The following ROBO2 variants were observed in gnomAD, a reference collection of about 807,000 sequenced individuals.
ROBO2 encodes roundabout homolog 2.
A neutral mutation model predicts 160.8 loss-of-function variants in ROBO2; 53 were observed. The ratio of observed to expected loss-of-function variants is 0.33; its 90% CI spans 0.26 to 0.41. The LOEUF is 0.41. Ranked by LOEUF, ROBO2 falls within the 10% of genes least tolerant of loss-of-function variation. The pLI, the probability that ROBO2 is intolerant of heterozygous loss-of-function variation, is 1.00. For synonymous variants in ROBO2, 664 were observed against 611.7 expected, an observed-to-expected ratio of 1.09 and a Z score of -1.26; for missense variants, 1,577 against 1,722.4, an observed-to-expected ratio of 0.92 and a Z score of 1.49.
chr3:77,478,688 G>A (rs1279476628), intron 3 of ROBO2, among the ~76,000 whole-genome samples: 1 of 152,096 alleles, frequency 6.6e-6, no homozygotes, highest in Non-Finnish European at 1.5e-5. Context: ...TCATTTGACT[G>A]AATAAATGTG....
At chr3:76,733,541 A>G (rs1399827392) in intron 2 of ROBO2, among the ~76,000 whole-genome samples, 2 of 152,260 alleles carry the variant, frequency 1.3e-5, no homozygotes, top group East Asian at 1.9e-4. Flanking sequence ...AGCAGTTTAC[A>G]TAAACTAAAT....
At chr3:76,128,594 G>A (rs1004123424) in intron 2 of ROBO2, among the ~76,000 whole-genome samples, 6 of 148,712 alleles carry the variant, frequency 4.0e-5, no homozygotes, top group African/African-American at 1.2e-4. Flanking sequence ...TTCCCTGAAG[G>A]ATAGGTTATC....
intron 2 of ROBO2, among the ~76,000 whole-genome samples, chr3:76,070,402 G>A (rs962554434): frequency 9.2e-5 from 14 of 152,164 alleles, no homozygotes; most frequent in East Asian, 3.9e-4. Flanking sequence ...CTCCCATAGC[G>A]CTCCCAGGCT....
chr3:76,888,325 G>A (rs527317226), intron 2 of ROBO2, among the ~76,000 whole-genome samples: 2 of 152,218 alleles, frequency 1.3e-5, no homozygotes, highest in Non-Finnish European at 2.9e-5. Context: ...CCGAAATCAC[G>A]GCCCTGCACT....
chr3:76,089,336 G>A (rs1238855772), intron 2 of ROBO2, among the ~76,000 whole-genome samples: 2 of 151,954 alleles, frequency 1.3e-5, no homozygotes, highest in South Asian at 4.1e-4. Flanking sequence ...CTCATTGTTT[G>A]AGGCCAGCTT....
chr3:77,400,629 G>A (rs1374396427), intron 2 of ROBO2, among the ~76,000 whole-genome samples: 1 of 152,056 alleles, frequency 6.6e-6, no homozygotes, highest in Non-Finnish European at 1.5e-5. Flanking sequence ...TTTCTTCTGA[G>A]TCACACTTCT....
intron 2 of ROBO2, among the ~76,000 whole-genome samples, chr3:76,612,403 G>A (rs1218301669): frequency 1.3e-5 from 2 of 152,104 alleles, no homozygotes; most frequent in Non-Finnish European, 2.9e-5. Context: ...CTCTTTAGCT[G>A]TATAATATTA....
intron 23 of ROBO2, among the ~76,000 whole-genome samples, chr3:77,623,914 G>T (rs146578409): frequency 6.6e-6 from 1 of 152,074 alleles, no homozygotes; most frequent in African/African-American, 2.4e-5. Context: ...TGATAAATAC[G>T]TCTATAAATC....
At chr3:76,405,502 C>A (rs574080050) in intron 2 of ROBO2, among the ~76,000 whole-genome samples, 1 of 151,714 alleles carries the variant, frequency 6.6e-6, no homozygotes, top group Non-Finnish European at 1.5e-5. Flanking sequence ...CACAAATTTA[C>A]GCAGTCAAGT....
chr3:77,261,844 T>C (rs912047174), intron 2 of ROBO2, among the ~76,000 whole-genome samples: 2 of 151,026 alleles, frequency 1.3e-5, no homozygotes, highest in Admixed American at 6.6e-5. Flanking sequence ...CATACCTCAC[T>C]GCAGCCTCAA....
intron 2 of ROBO2, among the ~76,000 whole-genome samples, chr3:76,321,102 A>G (rs1170959607): frequency 6.6e-6 from 1 of 152,208 alleles, no homozygotes; most frequent in East Asian, 1.9e-4. Context: ...TTAGAAAAAT[A>G]TATTGTACAA....
intron 2 of ROBO2, among the ~76,000 whole-genome samples, chr3:76,142,114 A>C (rs541112877): frequency 6.6e-6 from 1 of 152,076 alleles, no homozygotes; most frequent in South Asian, 2.1e-4. Context: ...AAAATAAGTT[A>C]TAGAATGTCC....
chr3:77,034,795 G>T (rs957951039), intron 2 of ROBO2, among the ~76,000 whole-genome samples: 63 of 151,958 alleles, frequency 4.1e-4, no homozygotes, highest in Non-Finnish European at 5.9e-4. Context: ...TAGGATTACA[G>T]CTATGTATTG....
At position 77,203,556 on chromosome 3, in the gene ROBO2, A is replaced by G. The variant is rs566671046; in HGVS notation, c.388+105216A>G. On this transcript the variant is annotated intron_variant, in intron 2 of 25. Coordinates refer to ENST00000461745, the Ensembl canonical transcript of ROBO2. ...AATGTCAGTTTTACAGTGTTTGAAT[A>G]TAGTTTCTCTGTAAAAGTTACTGAA... Among the ~76,000 whole-genome samples the G allele has an allele frequency of 4.6e-5, 7 of 152,350 alleles. No individual in the cohort carries two copies. The South Asian group carries it at 1.2e-3, about 27-fold the overall frequency.
At chr3:76,566,903 G>T (rs2084562529) in intron 2 of ROBO2, among the ~76,000 whole-genome samples, 1 of 152,108 alleles carries the variant, frequency 6.6e-6, no homozygotes, top group Admixed American at 6.6e-5. Flanking sequence ...TTTCACTGTG[G>T]CACACAGAGA....
At chr3:76,479,863 A>G (rs1224461795) in intron 2 of ROBO2, among the ~76,000 whole-genome samples, 1 of 152,140 alleles carries the variant, frequency 6.6e-6, no homozygotes, top group East Asian at 1.9e-4. Flanking sequence ...GTTTTAGAAG[A>G]GTTTGCATTA....
chr3:76,096,158 T>C (rs972676675), intron 2 of ROBO2, among the ~76,000 whole-genome samples: 4 of 152,292 alleles, frequency 2.6e-5, no homozygotes, highest in African/African-American at 9.6e-5. Context: ...AATCCTGTGA[T>C]TCTGGGCCAT....
At chr3:76,803,839 C>T (rs1658824220) in intron 2 of ROBO2, among the ~76,000 whole-genome samples, 1 of 152,068 alleles carries the variant, frequency 6.6e-6, no homozygotes, top group Non-Finnish European at 1.5e-5. Context: ...ACAGAGAAGG[C>T]GGAATCACTT....
At chr3:77,460,532 T>C (rs1365320262) in intron 2 of ROBO2, among the ~76,000 whole-genome samples, 1 of 152,110 alleles carries the variant, frequency 6.6e-6, no homozygotes, top group African/African-American at 2.4e-5. Flanking sequence ...TACTGACGAT[T>C]TTTTAAGGGC....
Sources: allele counts gnomAD v4.1 joint callset (sites outside exome capture counted in the v4.1 genomes callset), GRCh38; gene constraint gnomAD v4.1.1; transcripts MANE v1.5; gene names NCBI Gene and HGNC (gene_info 2026-07-23, HGNC 2026-07-21).